Variants in SLC39A10 observed in about 807,000 individuals in gnomAD.
SLC39A10 encodes the protein zinc transporter ZIP10.
Under a neutral mutation model 65.1 loss-of-function variants are expected in SLC39A10, and 13 were observed. The observed-to-expected ratio is 0.20, with a 90% CI of 0.13 to 0.32. The LOEUF (loss-of-function observed/expected upper bound fraction) is 0.32. Ranked by LOEUF, SLC39A10 falls within the 10% of genes least tolerant of loss-of-function variation. The pLI, the probability that SLC39A10 is intolerant of heterozygous loss-of-function variation, is 1.00. For missense variants in SLC39A10, 831 were observed against 1,018.4 expected, an observed-to-expected ratio of 0.82 and a Z score of 2.50; for synonymous variants, 321 against 342.2, an observed-to-expected ratio of 0.94 and a Z score of 0.68.
At chr2:195,701,265 C>G (rs1417915995) in intron 3 of SLC39A10, among the ~76,000 whole-genome samples, 1 of 147,204 alleles carries the variant, frequency 6.8e-6, no homozygotes, top group East Asian at 2.0e-4. Flanking sequence ...TCCAGAGTTT[C>G]TTTTTGATTT....
chr2:195,718,088 A>T lies in SLC39A10; in HGVS notation c.2066-164A>T, dbSNP rs564376209. Among the ~76,000 whole-genome samples, 20 of 152,322 alleles carry T rather than the reference A, an allele frequency of 1.3e-4. No individual in the cohort carries two copies. The East Asian group carries it at 3.7e-3, about 28-fold the overall frequency. On this transcript the variant is annotated intron_variant, in intron 7 of 9. Transcript: ENST00000359634. ...TTTCTCTAGTTGTTACATACTTATT[A>T]TACTCCACTATATGTTCAAAAACTA...
intron 3 of SLC39A10, among the ~76,000 whole-genome samples, chr2:195,702,138 T>C (rs1419390812): frequency 6.6e-6 from 1 of 152,202 alleles, no homozygotes; most frequent in East Asian, 1.9e-4. Context: ...GGTGCTGGCC[T>C]TTTAAATCCC....
intron 8 of SLC39A10, among the ~76,000 whole-genome samples, chr2:195,727,251 A>G (rs1350825481): frequency 6.6e-6 from 1 of 151,972 alleles, no homozygotes; most frequent in Non-Finnish European, 1.5e-5. Flanking sequence ...GCATTTCAGT[A>G]TTTTCCCTCC....
Position 195,708,850 on chromosome 2 carries a change from T to A in SLC39A10, c.1575+6T>A. The A allele has an allele frequency of 6.4e-7, 1 of 1,569,788 alleles. No homozygotes were observed. The highest frequency in any genetic ancestry group is 8.6e-7 in the Non-Finnish European group (1 of 1,159,090). On this transcript the variant is annotated splice_donor_region_variant and intron_variant, in intron 5 of 9. Transcript: ENST00000359634. The stretch of plus-strand genomic sequence containing the variant: ...AGCACTACAAACAACAAAGAGTAAG[T>A]ATTTTTTATTTATTTAATTTTATAC...
intron 1 of SLC39A10, among the ~76,000 whole-genome samples, chr2:195,659,535 A>G (rs1358116097): frequency 2.6e-5 from 4 of 152,152 alleles, no homozygotes; most frequent in Non-Finnish European, 4.4e-5. Flanking sequence ...GATTAGAGAA[A>G]TTTACCTTGT....
chr2:195,718,440 C>T, intron 8 of SLC39A10, 108 bp downstream of exon 8: 1 of 692,530 alleles, frequency 1.4e-6, no homozygotes, highest in Non-Finnish European at 2.5e-6. Flanking sequence ...TGGCTGATGG[C>T]AACTATAGTG....
At chr2:195,636,712 C>T (rs1251801742) in intron 2 of SLC39A10, among the ~76,000 whole-genome samples, 1 of 151,970 alleles carries the variant, frequency 6.6e-6, no homozygotes, top group African/African-American at 2.4e-5. Context: ...TAGATCGCGC[C>T]ACTGCACTCC....
chr2:195,715,441 G>A (rs1411451546), intron 6 of SLC39A10, among the ~76,000 whole-genome samples: 2 of 150,156 alleles, frequency 1.3e-5, no homozygotes, highest in Admixed American at 1.3e-4. Context: ...CAAGAGAATC[G>A]CTTGAACTTG....
At chr2:195,625,992 C>T (rs1284231506) in intron 2 of SLC39A10, among the ~76,000 whole-genome samples, 1 of 152,176 alleles carries the variant, frequency 6.6e-6, no homozygotes, top group East Asian at 1.9e-4. Flanking sequence ...CCACATTGCC[C>T]ATGCTGGTCT....
At chr2:195,624,610 C>T (rs988151539) in intron 2 of SLC39A10, among the ~76,000 whole-genome samples, 4 of 151,946 alleles carry the variant, frequency 2.6e-5, no homozygotes, top group East Asian at 1.9e-4. Flanking sequence ...CACGATGGCT[C>T]ACTTCTGTAA....
chr2:195,703,156 C>G (rs1361682024), intron 3 of SLC39A10, among the ~76,000 whole-genome samples: 1 of 152,152 alleles, frequency 6.6e-6, no homozygotes, highest in Non-Finnish European at 1.5e-5. Context: ...TCTCATAGAA[C>G]TAATGAGCTC....
chr2:195,657,716 G>A, intron 1 of SLC39A10: 1 of 839,388 alleles, frequency 1.2e-6, no homozygotes, highest in Non-Finnish European at 1.4e-6. Context: ...GCAGGCGCGG[G>A]CGGGCGAGGC....
At chr2:195,626,142 G>A (rs183721153) in intron 2 of SLC39A10, among the ~76,000 whole-genome samples, 4 of 152,252 alleles carry the variant, frequency 2.6e-5, no homozygotes, top group African/African-American at 7.2e-5. Context: ...TACATTTTCC[G>A]ATTTAAAACT....
At chr2:195,684,822 A>G (rs1690462327) in intron 3 of SLC39A10, among the ~76,000 whole-genome samples, 1 of 152,116 alleles carries the variant, frequency 6.6e-6, no homozygotes, top group African/African-American at 2.4e-5. Context: ...AACTAGATTT[A>G]CCTTTCTAAA....
chr2:195,691,200 G>C (rs545833609), intron 3 of SLC39A10, among the ~76,000 whole-genome samples: 5 of 152,210 alleles, frequency 3.3e-5, no homozygotes, highest in Admixed American at 3.3e-4. Flanking sequence ...TTTTATGGCT[G>C]AGTAGTATTC....
intron 2 of SLC39A10, among the ~76,000 whole-genome samples, chr2:195,625,222 A>AAAGAAAGAAAGAAAG (rs1688443563): frequency 1.1e-4 from 12 of 112,212 alleles, no homozygotes; most frequent in African/African-American, 3.7e-4. Context: ...GTCTCAAAAA[A>AAAGAAAGAAAGAAAG]AAAGAAAGAA....
At chr2:195,632,736 A>T (rs72929772) in intron 2 of SLC39A10, among the ~76,000 whole-genome samples, 25,085 of 147,248 alleles carry the variant, frequency 0.17, 2,218 homozygotes, top group Middle Eastern at 0.27. Flanking sequence ...TGGTGATGAA[A>T]AGATAGCACT....
chr2:195,677,436 A>T (rs1574258248), intron 1 of SLC39A10, among the ~76,000 whole-genome samples: 1 of 152,184 alleles, frequency 6.6e-6, no homozygotes, highest in South Asian at 2.1e-4. Flanking sequence ...TGGAAGGCTA[A>T]GGTGGGAAGA....
chr2:195,684,866 T>C (rs1690463985), intron 3 of SLC39A10, among the ~76,000 whole-genome samples: 1 of 152,182 alleles, frequency 6.6e-6, no homozygotes, highest in Non-Finnish European at 1.5e-5. Context: ...ATTTTTTCTT[T>C]ATAGTGATAG....
Sources: gnomAD v4.1 joint callset for allele counts (sites outside exome capture counted in the v4.1 genomes callset) on GRCh38, gnomAD v4.1.1 for gene constraint, MANE v1.5 for transcripts, NCBI Gene and HGNC (gene_info 2026-07-23, HGNC 2026-07-21) for gene names.